Variants in EXOC1 observed in about 807,000 individuals in gnomAD.
EXOC1 encodes the protein SEC3-like 1.
In EXOC1, 67 loss-of-function variants were observed where a neutral mutation model predicts 107.7. The ratio of observed to expected loss-of-function variants is 0.62; its 90% CI spans 0.51 to 0.76. The LOEUF (loss-of-function observed/expected upper bound fraction) is 0.76, where lower values mean the gene tolerates loss of function less well. EXOC1 is among the 30% of genes least tolerant of loss of function. The probability of loss-of-function intolerance (pLI) is 0.00; values close to 1 mark genes in which losing one functional copy is unlikely to be tolerated. For synonymous variants in EXOC1, 348 were observed against 353.5 expected, an observed-to-expected ratio of 0.98 and a Z score of 0.17; for missense variants, 833 against 1,055.7, an observed-to-expected ratio of 0.79 and a Z score of 2.92.
chr4:55,856,834 CAT>C (rs1390923792), intron 1 of EXOC1, among the ~76,000 whole-genome samples: 1 of 152,086 alleles, frequency 6.6e-6, no homozygotes, highest in Non-Finnish European at 1.5e-5. Flanking sequence ...GATTATGTAT[CAT>C]AAAATTTACC....
intron 8 of EXOC1, chr4:55,875,837 G>C: frequency 1.0e-6 from 1 of 969,480 alleles, no homozygotes; most frequent in Non-Finnish European, 1.2e-6. Context: ...GGCTGAAGTG[G>C]GCCAATAACT....
chr4:55,860,581 A>T, intron 3 of EXOC1, 40 bp downstream of exon 3: 1 of 1,608,104 alleles, frequency 6.2e-7, no homozygotes, highest in Non-Finnish European at 8.5e-7. Context: ...TTCAGAAAGC[A>T]TCTTTCATTT....
intron 15 of EXOC1, among the ~76,000 whole-genome samples, chr4:55,896,515 T>C (rs886423367): frequency 1.3e-5 from 2 of 152,216 alleles, no homozygotes; most frequent in Non-Finnish European, 2.9e-5. Flanking sequence ...TTATTATCTA[T>C]AGAATTAGTT....
intron 3 of EXOC1, among the ~76,000 whole-genome samples, chr4:55,861,050 A>G (rs985722636): frequency 6.6e-6 from 1 of 152,208 alleles, no homozygotes; most frequent in African/African-American, 2.4e-5. Flanking sequence ...CTTACACGTT[A>G]TAGATAAACC....
intron 15 of EXOC1, among the ~76,000 whole-genome samples, chr4:55,896,350 G>A (rs897974545): frequency 6.6e-6 from 1 of 151,806 alleles, no homozygotes; most frequent in Non-Finnish European, 1.5e-5. Flanking sequence ...GACGAAAATG[G>A]CCAGGCTGGT....
rs147574057 is a variant in EXOC1 at position 55,881,935 on chromosome 4, A to G, written c.1225-1888A>G. ...CCCAGGTTCCACTGCTTGCTACTCG[A>G]AAGCCAAACACTAGAGGCAAGGGTT... is the stretch of plus-strand genomic sequence containing the variant. On this transcript the variant is annotated intron_variant, in intron 9 of 18. Transcript: ENST00000381295. Among the ~76,000 whole-genome samples the G allele has an allele frequency of 1.9e-4, 29 of 152,286 alleles. No homozygotes were observed. The East Asian group carries it at 4.8e-3, about 25-fold the overall frequency.
intron 3 of EXOC1, among the ~76,000 whole-genome samples, chr4:55,862,716 G>T (rs550091523): frequency 3.1e-4 from 47 of 152,224 alleles, no homozygotes; most frequent in Non-Finnish European, 5.7e-4. Flanking sequence ...AGATACTCCA[G>T]TTCTTCACAG....
At chr4:55,899,443 T>C (rs1362339622) in intron 16 of EXOC1, among the ~76,000 whole-genome samples, 1 of 152,146 alleles carries the variant, frequency 6.6e-6, no homozygotes, top group Non-Finnish European at 1.5e-5. Flanking sequence ...CATTTCTCCA[T>C]TGATCTGAAA....
chr4:55,890,366 G>A lies in EXOC1; in HGVS notation c.1519G>A (p.Asp507Asn), dbSNP rs757680538. The A allele has an allele frequency of 5.6e-6, 9 of 1,613,690 alleles. No individual in the cohort carries two copies. The highest frequency in any genetic ancestry group is 1.3e-5 in the African/African-American group (1 of 74,878). The change falls in exon 12 of 19, where the codon GAC becomes AAC. Residue 507 changes from aspartate (D) to asparagine (N), a missense_variant. Coordinates refer to ENST00000381295, the MANE Select transcript of EXOC1 (RefSeq NM_001024924.2). ...NMSASDLDVA[D>N]RTKFDKIFEQ... Reference sequence around the variant, plus strand: ...GTCTGCCTCTGATCTCGATGTTGCTGACAGGACCAAATTTGATAAGGTAAA... The same window carrying A: ...GTCTGCCTCTGATCTCGATGTTGCTAACAGGACCAAATTTGATAAGGTAAA...
chr4:55,872,276 C>T lies in EXOC1; in HGVS notation c.1074+318C>T, dbSNP rs372669325. Reference sequence around the variant, plus strand: ...TAAGTCCAAACTTGTTAGATATTTACTATTGGACCTGTTTTATTTTTCAGT... The same window carrying T: ...TAAGTCCAAACTTGTTAGATATTTATTATTGGACCTGTTTTATTTTTCAGT... On this transcript the variant is annotated intron_variant, in intron 8 of 18. Coordinates refer to ENST00000381295, the MANE Select transcript of EXOC1 (RefSeq NM_001024924.2). 5.3e-5 allele frequency among the ~76,000 whole-genome samples: 8 copies of T among 152,168 alleles called. No homozygotes were observed. The East Asian group carries it at 5.8e-4, about 11-fold the overall frequency.
chr4:55,872,412 T>A (rs946190293), intron 8 of EXOC1, among the ~76,000 whole-genome samples: 2 of 152,104 alleles, frequency 1.3e-5, no homozygotes, highest in Admixed American at 1.3e-4. Context: ...ACTGCAAATT[T>A]CAGTTGATCT....
intron 7 of EXOC1, 135 bp downstream of exon 7, chr4:55,871,368 G>A: frequency 8.7e-7 from 1 of 1,145,758 alleles, no homozygotes; most frequent in Non-Finnish European, 1.2e-6. Flanking sequence ...AAGTTTCACT[G>A]ATTTCCCAAC....
intron 8 of EXOC1, among the ~76,000 whole-genome samples, chr4:55,875,278 G>A (rs1298340423): frequency 6.6e-6 from 1 of 152,026 alleles, no homozygotes; most frequent in African/African-American, 2.4e-5. Context: ...TTGTAAACAC[G>A]GATTGATGAT....
At chr4:55,889,345 A>G (rs1724251032) in intron 11 of EXOC1, among the ~76,000 whole-genome samples, 1 of 152,184 alleles carries the variant, frequency 6.6e-6, no homozygotes, top group Non-Finnish European at 1.5e-5. Flanking sequence ...TTCAGGAAGG[A>G]TGTTTTTAAA....
chr4:55,876,915 T>A (rs1025824268), intron 8 of EXOC1: 7 of 985,366 alleles, frequency 7.1e-6, no homozygotes, highest in Middle Eastern at 5.2e-4. Context: ...ACATGGATAA[T>A]GATGTGGGTT....
chr4:55,883,305 A>G (rs911099288), intron 9 of EXOC1: 1 of 152,156 alleles, frequency 6.6e-6, no homozygotes, highest in South Asian at 2.1e-4. Context: ...TAAGATTCCC[A>G]TACACTTTGA....
intron 14 of EXOC1, 63 bp from the exon 15 acceptor site, chr4:55,893,489 G>A: frequency 7.0e-7 from 1 of 1,432,264 alleles, no homozygotes; most frequent in Non-Finnish European, 9.6e-7. Context: ...GTGGATTAAA[G>A]TTAACGGTGA....
intron 8 of EXOC1, among the ~76,000 whole-genome samples, chr4:55,874,339 C>G (rs1005705539): frequency 6.6e-6 from 1 of 151,978 alleles, no homozygotes; most frequent in African/African-American, 2.4e-5. Flanking sequence ...ACCAAATCAC[C>G]AATTTTTTTA....
intron 8 of EXOC1, chr4:55,872,669 C>G (rs1251477155): frequency 2.3e-6 from 1 of 431,538 alleles, no homozygotes; most frequent in Non-Finnish European, 3.1e-6. Flanking sequence ...TCAAGAAATA[C>G]TGCCTGAAAA....
Sources: gnomAD v4.1 joint callset for allele counts (sites outside exome capture counted in the v4.1 genomes callset) on GRCh38, gnomAD v4.1.1 for gene constraint, MANE v1.5 for transcripts, NCBI Gene and HGNC (gene_info 2026-07-23, HGNC 2026-07-21) for gene names.